The following GABBR2 variants were observed in gnomAD, a reference collection of about 807,000 sequenced individuals.
GABBR2 encodes the protein G-protein coupled receptor 51.
A neutral mutation model predicts 105.6 loss-of-function variants in GABBR2; 23 were observed. The observed-to-expected ratio is 0.22, with a 90% CI of 0.16 to 0.31. The LOEUF (loss-of-function observed/expected upper bound fraction) is 0.31, where lower values mean the gene tolerates loss of function less well. GABBR2 is among the 10% of genes least tolerant of loss of function. GABBR2 has a pLI of 1.00. For synonymous variants in GABBR2, 478 were observed against 499.7 expected (o/e 0.96, Z 0.58); for missense variants, 734 against 1,245.5 (o/e 0.59, Z 6.18).
At chr9:98,467,538 T>G (rs1826585704) in intron 6 of GABBR2, among the ~76,000 whole-genome samples, 1 of 152,208 alleles carries the variant, frequency 6.6e-6, no homozygotes, top group Admixed American at 6.5e-5. Flanking sequence ...GCACCTTTCC[T>G]TCCTCCGTGC....
intron 4 of GABBR2, among the ~76,000 whole-genome samples, chr9:98,482,850 G>A (rs7866071): frequency 7.9e-5 from 12 of 151,880 alleles, no homozygotes; most frequent in African/African-American, 2.7e-4. Context: ...CCTCGTGCCT[G>A]CCTGGCCACT....
At position 98,613,423 on chromosome 9, in the gene GABBR2, G is replaced by C. The variant is rs185088052; in HGVS notation, c.322-35351C>G. ...CCACTGCACTCCAGCCTTGGTGACG[G>C]AGCAAGACACTGTCTCAGGGGAAGA... On this transcript the variant is annotated intron_variant, in intron 1 of 18. Transcript: ENST00000259455. 2.3e-3 allele frequency among the ~76,000 whole-genome samples: 342 copies of C among 147,862 alleles called. 1 individual carries two copies. Among genetic ancestry groups the C allele is most frequent in the African/African-American group, 8.4e-3 (332 of 39,698 alleles).
At chr9:98,431,456 G>T (rs188142773) in intron 7 of GABBR2, among the ~76,000 whole-genome samples, 1 of 151,584 alleles carries the variant, frequency 6.6e-6, no homozygotes, top group Admixed American at 6.6e-5. Context: ...AAAATTATTC[G>T]TTGAATAAAT....
intron 14 of GABBR2, among the ~76,000 whole-genome samples, chr9:98,308,911 G>C (rs1018816541): frequency 1.3e-5 from 2 of 152,230 alleles, no homozygotes; most frequent in Non-Finnish European, 2.9e-5. Context: ...TGAAGAGGGC[G>C]AGCGCCCCAT....
chr9:98,658,679 G>C (rs1227003360), intron 1 of GABBR2, among the ~76,000 whole-genome samples: 1 of 152,162 alleles, frequency 6.6e-6, no homozygotes, highest in Admixed American at 6.5e-5. Context: ...TCCTCCCTAG[G>C]GCAGTGTGTG....
chr9:98,534,862 A>G (rs4237192), intron 3 of GABBR2, among the ~76,000 whole-genome samples: 13,501 of 152,330 alleles, frequency 0.089, 818 homozygotes, highest in South Asian at 0.16. Flanking sequence ...TGATCCAGCA[A>G]TGGAGCTTCT....
intron 2 of GABBR2, among the ~76,000 whole-genome samples, chr9:98,560,523 C>T (rs1295369326): frequency 2.6e-5 from 4 of 151,606 alleles, no homozygotes; most frequent in African/African-American, 4.8e-5. Flanking sequence ...TACACACATA[C>T]ACACACACAG....
At chr9:98,400,682 G>A (rs1564052538) in intron 8 of GABBR2, among the ~76,000 whole-genome samples, 1 of 152,188 alleles carries the variant, frequency 6.6e-6, no homozygotes, top group Non-Finnish European at 1.5e-5. Flanking sequence ...CTCCTGCAGG[G>A]AGCAGGGAGG....
chr9:98,454,497 A>G lies in GABBR2; in HGVS notation c.1000-280T>C, dbSNP rs1176594712. 6.6e-6 allele frequency among the ~76,000 whole-genome samples: 1 copy of G among 152,186 alleles called. No homozygotes were observed. The highest frequency in any genetic ancestry group is 1.5e-5 in the Non-Finnish European group (1 of 68,028). ...GAGATTTAAACTGTCTTTTGGCAAG[A>G]CTAGAGAGAGGGGATAATACACCCT... On this transcript the variant is annotated intron_variant, in intron 6 of 18. Coordinates refer to ENST00000259455, the MANE Select transcript of GABBR2 (RefSeq NM_005458.8). The surrounding 1 kb of genome is among the most constrained non-coding windows in gnomAD (Gnocchi z 4.6).
At chr9:98,352,187 G>A (rs187154359) in intron 13 of GABBR2, among the ~76,000 whole-genome samples, 1 of 152,376 alleles carries the variant, frequency 6.6e-6, no homozygotes, top group Admixed American at 6.5e-5. Context: ...CACCAGGCAA[G>A]CTGGTCCTGG....
At chr9:98,686,297 C>T (rs1381747789) in intron 1 of GABBR2, among the ~76,000 whole-genome samples, 3 of 152,242 alleles carry the variant, frequency 2.0e-5, no homozygotes, top group Admixed American at 6.5e-5. Context: ...GGGTATGGCT[C>T]GCCACTGGTC....
chr9:98,476,867 C>T (rs766358808), intron 5 of GABBR2, among the ~76,000 whole-genome samples: 6 of 152,142 alleles, frequency 3.9e-5, no homozygotes, highest in Middle Eastern at 3.2e-3. Flanking sequence ...GAAAGTAGGG[C>T]GCCTAGATTG....
chr9:98,407,414 G>C (rs1279757492), intron 7 of GABBR2, among the ~76,000 whole-genome samples: 1 of 152,302 alleles, frequency 6.6e-6, no homozygotes, highest in Non-Finnish European at 1.5e-5. Context: ...AGACAGCTGT[G>C]AGTAGTATCA....
At chr9:98,408,359 T>C (rs1832526015) in intron 7 of GABBR2, among the ~76,000 whole-genome samples, 1 of 152,180 alleles carries the variant, frequency 6.6e-6, no homozygotes. Context: ...GAAGTGCTGA[T>C]GGAGACACGG....
chr9:98,467,338 C>T (rs1483307010), intron 6 of GABBR2, among the ~76,000 whole-genome samples: 3 of 152,312 alleles, frequency 2.0e-5, no homozygotes, highest in East Asian at 1.9e-4. Flanking sequence ...TAGCCAGTGG[C>T]CCCTCCATGG....
intron 7 of GABBR2, among the ~76,000 whole-genome samples, chr9:98,423,170 C>T (rs1441677968): frequency 6.6e-6 from 1 of 152,158 alleles, no homozygotes; most frequent in Non-Finnish European, 1.5e-5. Flanking sequence ...ACTTCTGGAT[C>T]CCTGAGGAAT....
At chr9:98,359,861 T>C (rs1831552537) in intron 13 of GABBR2, among the ~76,000 whole-genome samples, 1 of 151,990 alleles carries the variant, frequency 6.6e-6, no homozygotes, top group Non-Finnish European at 1.5e-5. Flanking sequence ...GACTGGGGAA[T>C]GTTTGGGATG....
At chr9:98,666,486 T>C (rs3983397) in intron 1 of GABBR2, among the ~76,000 whole-genome samples, 141,375 of 152,296 alleles carry the variant, frequency 0.93, 65,746 homozygotes, top group Middle Eastern at 0.97. Context: ...CACTGTCCAA[T>C]GCACAAATTG....
At chr9:98,667,474 T>C (rs1484551097) in intron 1 of GABBR2, among the ~76,000 whole-genome samples, 1 of 152,132 alleles carries the variant, frequency 6.6e-6, no homozygotes, top group Admixed American at 6.5e-5. Context: ...TGAGCTGCGT[T>C]ACCCACATTT....
Sources: gnomAD v4.1 joint callset for allele counts (sites outside exome capture counted in the v4.1 genomes callset) on GRCh38, gnomAD v4.1.1 for gene constraint, Gnocchi (gnomAD v3.1) non-coding constraint, MANE v1.5 for transcripts, NCBI Gene and HGNC (gene_info 2026-07-23, HGNC 2026-07-21) for gene names.